The following MIS18BP1 variants were observed in gnomAD, a reference collection of about 807,000 sequenced individuals.
The protein encoded by MIS18BP1 is mis18-binding protein 1.
A neutral mutation model predicts 116.1 loss-of-function variants in MIS18BP1; 72 were observed. That is an observed-to-expected ratio of 0.62 (90% CI 0.51 to 0.75). MIS18BP1 has a LOEUF of 0.75. MIS18BP1 is among the 30% of genes least tolerant of loss of function. MIS18BP1 has a pLI of 0.00. For synonymous variants in MIS18BP1, 386 were observed against 427.0 expected, an observed-to-expected ratio of 0.90 and a Z score of 1.18; for missense variants, 1,363 against 1,303.2, an observed-to-expected ratio of 1.05 and a Z score of -0.71.
chr14:45,204,457 TAA>T lies in MIS18BP1; in HGVS notation c.3241-6_3241-5del. The T allele has an allele frequency of 1.3e-6, 2 of 1,589,088 alleles. No individual in the cohort carries two copies. Among genetic ancestry groups the T allele is most frequent in the Non-Finnish European group, 1.7e-6 (2 of 1,170,618 alleles). On this transcript the variant is annotated splice_polypyrimidine_tract_variant and splice_region_variant and intron_variant, in intron 15 of 16. Coordinates refer to ENST00000310806, the MANE Select transcript of MIS18BP1 (RefSeq NM_018353.5). ...GAGTTGAGAAATCAGTTTCAACCTA[TAA>T]AAGAGTTACTATTAATAGCTAAATG...
intron 14 of MIS18BP1, among the ~76,000 whole-genome samples, chr14:45,208,518 G>C (rs1431944287): frequency 6.6e-6 from 1 of 151,924 alleles, no homozygotes; most frequent in Non-Finnish European, 1.5e-5. Context: ...ATTTTTAGTA[G>C]AGATGGGGTT....
chr14:45,224,805 T>A, intron 10 of MIS18BP1, 59 bp from the exon 11 acceptor site: 1 of 1,188,414 alleles, frequency 8.4e-7, no homozygotes. Context: ...TAAACAAATA[T>A]AAGCACAGAA....
chr14:45,231,795 G>T (rs1319732605), intron 7 of MIS18BP1, among the ~76,000 whole-genome samples: 1 of 152,086 alleles, frequency 6.6e-6, no homozygotes, highest in Non-Finnish European at 1.5e-5. Context: ...TTATATTTGT[G>T]CTGTGATTAA....
intron 4 of MIS18BP1, among the ~76,000 whole-genome samples, chr14:45,240,633 C>T (rs755000548): frequency 2.0e-5 from 3 of 152,000 alleles, no homozygotes; most frequent in Non-Finnish European, 4.4e-5. Flanking sequence ...AGTAGTGTAG[C>T]AGCTGGAGTT....
intron 12 of MIS18BP1, 125 bp downstream of exon 12, chr14:45,218,157 T>A: frequency 9.3e-7 from 1 of 1,077,392 alleles, no homozygotes. Context: ...TGAAATTCTC[T>A]CTAGCTTTAA....
intron 15 of MIS18BP1, 22 bp downstream of exon 15, chr14:45,206,061 T>C (rs1207012139): frequency 2.0e-6 from 3 of 1,472,044 alleles, no homozygotes; most frequent in African/African-American, 1.4e-5. Flanking sequence ...TAGATATGTA[T>C]TGGATAAAGA....
At chr14:45,241,865 C>G in intron 4 of MIS18BP1, 169 bp downstream of exon 4, 1 of 704,684 alleles carries the variant, frequency 1.4e-6, no homozygotes, top group Non-Finnish European at 2.3e-6. Context: ...CTATGTCACA[C>G]TGTCACTGCA....
intron 1 of MIS18BP1, among the ~76,000 whole-genome samples, chr14:45,248,283 T>A (rs1891780333): frequency 6.6e-6 from 1 of 152,002 alleles, no homozygotes; most frequent in South Asian, 2.1e-4. Flanking sequence ...GTCAGGCTGG[T>A]CTCAAACTCC....
Position 45,247,032 on chromosome 14 carries a change from G to A in MIS18BP1, c.255C>T (p.Thr85=). The A allele has an allele frequency of 2.5e-6, 4 of 1,613,442 alleles. No homozygotes were observed. The highest frequency in any genetic ancestry group is 3.4e-6 in the Non-Finnish European group (4 of 1,179,900). Residue 85 remains threonine, a synonymous_variant, in exon 2 of 17, where the codon ACC becomes ACT. Transcript: ENST00000310806. The part of the protein sequence containing the change: ...FQSTMLTEAT[T]SNSSLDISAI... Reference sequence around the variant, plus strand: ...CACTGATATCAAGAGAACTGTTAGAGGTAGTAGCCTCTGTTAGCATAGTTG... The same window carrying A: ...CACTGATATCAAGAGAACTGTTAGAAGTAGTAGCCTCTGTTAGCATAGTTG...
At chr14:45,244,093 T>A (rs1331885794) in intron 2 of MIS18BP1, among the ~76,000 whole-genome samples, 1 of 152,198 alleles carries the variant, frequency 6.6e-6, no homozygotes, top group Non-Finnish European at 1.5e-5. Flanking sequence ...TGTCACTGTC[T>A]TGGAAATGCA....
Position 45,232,800 on chromosome 14 carries a change from T to C in MIS18BP1, c.1369A>G (p.Arg457Gly). 6.9e-7 allele frequency: 1 copy of C among 1,455,374 alleles called. No individual in the cohort carries two copies. The highest frequency in any genetic ancestry group is 9.4e-7 in the Non-Finnish European group (1 of 1,065,414). The allele number at this position is 1,455,374 out of a possible 1,614,324, so 90.2% of individuals were successfully genotyped here. A position where few individuals can be genotyped will look rare whatever the true frequency, so the allele number is the denominator to read the frequency against. ...KEAGYPNYLI[R>G]KFMFGFPENW... ...TCTGGAAATCCAAACATAAATTTCC[T>C]TATGAGATAATTTGGATATCCTATT... is the stretch of plus-strand genomic sequence containing the variant. Residue 457 changes from arginine to glycine, a missense_variant, in exon 7 of 17, where the codon AGG (arginine) becomes GGG (glycine). Transcript: ENST00000310806.
chr14:45,235,554 C>G (rs1336753020), intron 6 of MIS18BP1, among the ~76,000 whole-genome samples: 1 of 142,668 alleles, frequency 7.0e-6, no homozygotes, highest in Non-Finnish European at 1.5e-5. Flanking sequence ...CGTGCCACTG[C>G]ACTCCAGCCT....
intron 15 of MIS18BP1, among the ~76,000 whole-genome samples, chr14:45,204,996 A>C (rs890439548): frequency 6.6e-6 from 1 of 152,140 alleles, no homozygotes; most frequent in African/African-American, 2.4e-5. Flanking sequence ...CTAAAATGGT[A>C]AAGTAAATGG....
At chr14:45,220,737 C>T (rs1890949956) in intron 11 of MIS18BP1, among the ~76,000 whole-genome samples, 1 of 152,148 alleles carries the variant, frequency 6.6e-6, no homozygotes, top group Non-Finnish European at 1.5e-5. Context: ...GAAAGTACGA[C>T]AGAAATCAGG....
Position 45,242,188 on chromosome 14 carries a change from G to A in MIS18BP1, c.989C>T (p.Thr330Ile), listed in dbSNP as rs142829097. The A allele has an allele frequency of 5.0e-4, 813 of 1,613,952 alleles. No homozygotes were observed. The highest frequency in any genetic ancestry group is 6.7e-4 in the Non-Finnish European group (795 of 1,179,986). The change falls in exon 4 of 17, where the codon ACA (threonine) becomes ATA (isoleucine). Residue 330 changes from threonine to isoleucine, a missense_variant. Coordinates refer to ENST00000310806, the MANE Select transcript of MIS18BP1 (RefSeq NM_018353.5). ...EGNGKTVPGETGLPGSMKDTC... is the reference protein window; with the variant it reads ...EGNGKTVPGEIGLPGSMKDTC... ...ATCTTTCATGGAACCTGGAAGACCT[G>A]TCTCTCCAGGCACTGTTTTTCCATT...
chr14:45,247,353 A>T lies in MIS18BP1; in HGVS notation c.-67T>A, dbSNP rs1229984575. On this transcript the variant is annotated 5_prime_UTR_variant, in exon 2 of 17. Coordinates refer to ENST00000310806, the MANE Select transcript of MIS18BP1 (RefSeq NM_018353.5). ...TCACTTAAGCGCAATTTTCAGATAG[A>T]ACTTCAGAAGGGATCCACAGAAACC... The T allele has an allele frequency of 7.3e-7, 1 of 1,375,362 alleles. No homozygotes were observed. The highest frequency in any genetic ancestry group is 2.4e-5 in the Admixed American group (1 of 41,930). The allele number at this position is 1,375,362 out of a possible 1,614,324, so 85.2% of individuals were successfully genotyped here.
At chr14:45,229,186 T>C (rs957052463) in intron 8 of MIS18BP1, among the ~76,000 whole-genome samples, 13 of 152,246 alleles carry the variant, frequency 8.5e-5, no homozygotes, top group Non-Finnish European at 1.5e-4. Context: ...TAAAACTTAA[T>C]AGACCAGGGT....
intron 14 of MIS18BP1, among the ~76,000 whole-genome samples, chr14:45,207,310 A>G (rs1340349632): frequency 6.6e-6 from 1 of 152,194 alleles, no homozygotes; most frequent in Non-Finnish European, 1.5e-5. Flanking sequence ...CTCTATTAAG[A>G]TATTTATCTG....
rs999147102 is a variant in MIS18BP1, at chr14:45,210,163, A to C, written c.3152+217T>G. ...TAAAACCTTGATCCATTTCGAATTGATCCAGAAGTAAATGTGGGTTATATC... is the reference window on the plus strand; with the variant it reads ...TAAAACCTTGATCCATTTCGAATTGCTCCAGAAGTAAATGTGGGTTATATC... On this transcript the variant is annotated intron_variant, in intron 14 of 16. Coordinates refer to ENST00000310806, the MANE Select transcript of MIS18BP1 (RefSeq NM_018353.5). 10 of 424,004 alleles carry C rather than the reference A, an allele frequency of 2.4e-5. No homozygotes were observed. In the South Asian group the frequency reaches 5.3e-4, roughly 22 times the overall value. 26.3% of individuals were successfully genotyped at this position (424,004 alleles called of 1,614,324 possible).
Sources: gnomAD v4.1 joint callset for allele counts (sites outside exome capture counted in the v4.1 genomes callset) on GRCh38, gnomAD v4.1.1 for gene constraint, MANE v1.5 for transcripts, NCBI Gene and HGNC (gene_info 2026-07-23, HGNC 2026-07-21) for gene names.